KIAA0040: variants seen among roughly 807,000 people sequenced by gnomAD.
KIAA0040 encodes the protein KIAA0040.
In KIAA0040, 10 loss-of-function variants were observed where a neutral mutation model predicts 7.2. The observed-to-expected ratio is 1.38, with a 90% CI of 0.85 to 2.34. The LOEUF (loss-of-function observed/expected upper bound fraction) is 2.34. Ranked by LOEUF, KIAA0040 falls within the 30% of genes most tolerant of loss-of-function variation. The pLI is 0.00. For synonymous variants in KIAA0040, 49 were observed against 40.1 expected (o/e 1.22, Z -0.84); for missense variants, 89 against 108.2 (o/e 0.82, Z 0.79).
chr1:175,182,014 C>T (rs1055504708), intron 1 of KIAA0040, among the ~76,000 whole-genome samples: 1 of 152,202 alleles, frequency 6.6e-6, no homozygotes, highest in African/African-American at 2.4e-5. Flanking sequence ...ATTGCCATGG[C>T]ATTCCAGGGA....
chr1:175,185,896 C>T lies in KIAA0040; in HGVS notation c.-384+6744G>A, dbSNP rs142284674. ...TACCAATACATGCTACAACATACAT[C>T]AACCCTGAAAACACATTAAGTGGAA... On this transcript the variant is annotated intron_variant, in intron 1 of 3. Coordinates refer to ENST00000423313, the MANE Select transcript of KIAA0040 (RefSeq NM_014656.3). 4.0e-3 allele frequency among the ~76,000 whole-genome samples: 608 copies of T among 152,330 alleles called. 3 individuals are homozygous for T. The highest frequency in any genetic ancestry group is 0.014 in the African/African-American group (564 of 41,564).
rs1449881341 is a variant in KIAA0040, at chr1:175,159,893, G to C, written c.*821C>G. ...TTGCGGGGGTAATGTTTCACAGAGA[G>C]GTCTTGGATCACATTAAACACCTCT... On this transcript the variant is annotated 3_prime_UTR_variant, in exon 4 of 4. Transcript: ENST00000423313. The C allele has an allele frequency of 6.6e-6, 1 of 152,654 alleles. No homozygotes were observed. Among genetic ancestry groups the C allele is most frequent in the Non-Finnish European group, 1.5e-5 (1 of 68,012 alleles). 9.5% of individuals were successfully genotyped at this position (152,654 alleles called of 1,614,324 possible). A position where few individuals can be genotyped will look rare whatever the true frequency, so the allele number is the denominator to read the frequency against.
intron 2 of KIAA0040, among the ~76,000 whole-genome samples, chr1:175,170,428 G>A (rs771362965): frequency 2.0e-5 from 3 of 152,046 alleles, no homozygotes; most frequent in Non-Finnish European, 4.4e-5. Context: ...CGCAACCCTC[G>A]CTTGGCTGCT....
chr1:175,176,055 A>G (rs539772315), intron 2 of KIAA0040, among the ~76,000 whole-genome samples: 20 of 152,360 alleles, frequency 1.3e-4, no homozygotes, highest in Non-Finnish European at 7.3e-5. Flanking sequence ...TAAAACTTGC[A>G]TAATTCTCTT....
chr1:175,182,659 G>A (rs1337669293), intron 1 of KIAA0040, among the ~76,000 whole-genome samples: 2 of 152,214 alleles, frequency 1.3e-5, no homozygotes, highest in Admixed American at 6.5e-5. Flanking sequence ...ACCAGCCTGG[G>A]TCAAAGCCTG....
Position 175,161,156 on chromosome 1 carries a change from T to C in KIAA0040, c.-133-10A>G. The C allele has an allele frequency of 1.5e-6, 1 of 664,464 alleles. No individual in the cohort carries two copies. The highest frequency in any genetic ancestry group is 2.2e-5 in the South Asian group (1 of 46,470). 41.2% of individuals were successfully genotyped at this position (664,464 alleles called of 1,614,324 possible). A position where few individuals can be genotyped will look rare whatever the true frequency, so the allele number is the denominator to read the frequency against. Reference sequence around the variant, plus strand: ...ATGCCACTGGCAGCACCTGAAGAGATTAAAACAGACAACTGAAGAGAAATG... The same window carrying C: ...ATGCCACTGGCAGCACCTGAAGAGACTAAAACAGACAACTGAAGAGAAATG... On this transcript the variant is annotated splice_polypyrimidine_tract_variant and intron_variant, in intron 3 of 3. Coordinates refer to ENST00000423313, the MANE Select transcript of KIAA0040 (RefSeq NM_014656.3).
intron 2 of KIAA0040, among the ~76,000 whole-genome samples, chr1:175,175,510 G>A (rs1677151212): frequency 6.6e-6 from 1 of 150,944 alleles, no homozygotes. Context: ...ATTTGACCCA[G>A]CCATCCCATT....
At chr1:175,169,606 G>T (rs1676905686) in intron 2 of KIAA0040, among the ~76,000 whole-genome samples, 1 of 152,136 alleles carries the variant, frequency 6.6e-6, no homozygotes, top group African/African-American at 2.4e-5. Context: ...GATGGTTCTG[G>T]AGTCATGACT....
intron 1 of KIAA0040, among the ~76,000 whole-genome samples, chr1:175,186,382 A>G (rs944820129): frequency 4.6e-5 from 7 of 152,220 alleles, no homozygotes; most frequent in Non-Finnish European, 8.8e-5. Flanking sequence ...CCACATGCCC[A>G]GTAGTTTAAG....
intron 3 of KIAA0040, among the ~76,000 whole-genome samples, chr1:175,165,767 G>A (rs370186986): frequency 6.6e-6 from 1 of 152,234 alleles, no homozygotes; most frequent in African/African-American, 2.4e-5. Context: ...CATTCCACAG[G>A]GAGGTCTGCT....
intron 2 of KIAA0040, among the ~76,000 whole-genome samples, chr1:175,174,196 G>A (rs538373665): frequency 6.6e-6 from 1 of 152,246 alleles, no homozygotes; most frequent in Non-Finnish European, 1.5e-5. Context: ...AGCCATGCAG[G>A]GGGCTTAAAA....
chr1:175,164,557 C>T (rs899243844), intron 3 of KIAA0040, among the ~76,000 whole-genome samples: 1 of 151,248 alleles, frequency 6.6e-6, no homozygotes, highest in Non-Finnish European at 1.5e-5. Flanking sequence ...CCTAAAATGG[C>T]CTTTGAATAA....
chr1:175,164,937 T>C (rs767141025), intron 3 of KIAA0040, among the ~76,000 whole-genome samples: 15 of 152,230 alleles, frequency 9.9e-5, no homozygotes, highest in Non-Finnish European at 2.1e-4. Context: ...TAGCCTTTTG[T>C]TAGCTTTTGA....
intron 3 of KIAA0040, among the ~76,000 whole-genome samples, chr1:175,164,795 T>A (rs569009708): frequency 4.5e-4 from 68 of 152,194 alleles, no homozygotes; most frequent in African/African-American, 1.6e-3. Context: ...TAGTGTTTCA[T>A]TAGTATTTAT....
At chr1:175,171,651 C>T (rs1170930235) in intron 2 of KIAA0040, among the ~76,000 whole-genome samples, 2 of 152,218 alleles carry the variant, frequency 1.3e-5, no homozygotes, top group South Asian at 4.2e-4. Flanking sequence ...TCAAGAAAAC[C>T]GCCTATCACT....
In KIAA0040 at chr1:175,160,637, AGG is replaced by A; in HGVS notation, c.*75_*76del. ...GGACATGGACATAGTGCATTATTTC[AGG>A]GGTTCCTGAAATGTCTGTGTGTGGT... On this transcript the variant is annotated 3_prime_UTR_variant, in exon 4 of 4. Transcript: ENST00000423313. 7.6e-7 allele frequency: 1 copy of A among 1,320,122 alleles called. No homozygotes were observed. Among genetic ancestry groups the A allele is most frequent in the Non-Finnish European group, 1.0e-6 (1 of 981,206 alleles). The allele number at this position is 1,320,122 out of a possible 1,614,324, so 81.8% of individuals were successfully genotyped here. A position where few individuals can be genotyped will look rare whatever the true frequency, so the allele number is the denominator to read the frequency against.
In KIAA0040 at chr1:175,158,321, G is replaced by A. The variant is rs1676376636; in HGVS notation, c.*2393C>T. On this transcript the variant is annotated 3_prime_UTR_variant, in exon 4 of 4. Coordinates refer to ENST00000423313, the MANE Select transcript of KIAA0040 (RefSeq NM_014656.3). ...GGGTGAGAGCAAGTCCATTGGATTA[G>A]GAGACAGCAGGGACATTGTGCCTGG... 6.6e-6 allele frequency: 1 copy of A among 152,208 alleles called. No homozygotes were observed. Among genetic ancestry groups the A allele is most frequent in the Non-Finnish European group, 1.5e-5 (1 of 68,040 alleles). 9.4% of individuals were successfully genotyped at this position (152,208 alleles called of 1,614,324 possible).
rs1364260788 is a variant in KIAA0040 at position 175,160,508 on chromosome 1, A to G, written c.*206T>C. 1 of 576,740 alleles carries G rather than the reference A, an allele frequency of 1.7e-6. No homozygotes were observed. The highest frequency in any genetic ancestry group is 1.9e-5 in the African/African-American group (1 of 53,376). The allele number at this position is 576,740 out of a possible 1,614,324, so 35.7% of individuals were successfully genotyped here. A position where few individuals can be genotyped will look rare whatever the true frequency, so the allele number is the denominator to read the frequency against. Reference sequence around the variant, plus strand: ...TAAGGAGCATTGCTATTGGACACATAGCTGCCAAGACAGTATCCAAGAATT... The same window carrying G: ...TAAGGAGCATTGCTATTGGACACATGGCTGCCAAGACAGTATCCAAGAATT... On this transcript the variant is annotated 3_prime_UTR_variant, in exon 4 of 4. Coordinates refer to ENST00000423313, the MANE Select transcript of KIAA0040 (RefSeq NM_014656.3).
intron 1 of KIAA0040, among the ~76,000 whole-genome samples, chr1:175,180,265 T>A (rs1337266417): frequency 6.6e-6 from 1 of 152,228 alleles, no homozygotes; most frequent in East Asian, 1.9e-4. Context: ...TCTATTCCCA[T>A]CATGGCATCC....
Sources: gnomAD v4.1 joint callset for allele counts (sites outside exome capture counted in the v4.1 genomes callset) on GRCh38, gnomAD v4.1.1 for gene constraint, MANE v1.5 for transcripts, NCBI Gene and HGNC (gene_info 2026-07-23, HGNC 2026-07-21) for gene names.